The following FAM169A variants were observed in gnomAD, a reference collection of about 807,000 sequenced individuals.
FAM169A encodes the protein family with sequence similarity 169 member A.
Under a neutral mutation model 75.7 loss-of-function variants are expected in FAM169A, and 24 were observed. The ratio of observed to expected loss-of-function variants is 0.32; its 90% CI spans 0.23 to 0.45. FAM169A has a LOEUF of 0.45. Ranked by LOEUF, FAM169A falls within the 20% of genes least tolerant of loss-of-function variation. FAM169A has a pLI of 1.00. For synonymous variants in FAM169A, 271 were observed against 271.0 expected (o/e 1.00, Z 0.00); for missense variants, 673 against 784.0 (o/e 0.86, Z 1.69).
At chr5:74,799,595 G>A in intron 10 of FAM169A, 3 of 1,463,396 alleles carry the variant, frequency 2.1e-6, no homozygotes, top group African/African-American at 1.4e-5. Flanking sequence ...TCTGGTGGCG[G>A]TGGCACTGGT....
At chr5:74,789,331 G>C (rs1198813481) in intron 11 of FAM169A, among the ~76,000 whole-genome samples, 2 of 152,208 alleles carry the variant, frequency 1.3e-5, no homozygotes, top group Non-Finnish European at 2.9e-5. Flanking sequence ...AAAGTTTCTA[G>C]GGGTCCAGTG....
At chr5:74,808,346 A>C (rs560778105) in intron 6 of FAM169A, among the ~76,000 whole-genome samples, 3 of 152,242 alleles carry the variant, frequency 2.0e-5, no homozygotes, top group Non-Finnish European at 4.4e-5. Flanking sequence ...GACCTCAAAG[A>C]CATTATGTTT....
At chr5:74,835,148 CTT>C (rs1267252514) in intron 4 of FAM169A, among the ~76,000 whole-genome samples, 1 of 152,090 alleles carries the variant, frequency 6.6e-6, no homozygotes, top group Non-Finnish European at 1.5e-5. Context: ...ATAGCCCTAT[CTT>C]TGCTGTCAAC....
intron 10 of FAM169A, chr5:74,799,967 T>C: frequency 7.4e-6 from 6 of 809,542 alleles, no homozygotes; most frequent in South Asian, 2.7e-5. Flanking sequence ...TGCGCCAGAA[T>C]AGCATCACTC....
At chr5:74,796,283 T>A in intron 10 of FAM169A, 97 bp from the exon 11 acceptor site, 2 of 1,105,244 alleles carry the variant, frequency 1.8e-6, no homozygotes, top group South Asian at 1.7e-5. Context: ...GAGAATCAAC[T>A]ATGTTGTCAA....
At chr5:74,782,090 A>G (rs1481780526) in intron 12 of FAM169A, 82 bp from the exon 13 acceptor site, 1 of 1,052,790 alleles carries the variant, frequency 9.5e-7, no homozygotes, top group African/African-American at 1.6e-5. Context: ...ATGCAGTGAC[A>G]CTGAACTAGA....
chr5:74,860,610 CAA>C (rs1236696452), intron 1 of FAM169A, among the ~76,000 whole-genome samples: 3 of 151,842 alleles, frequency 2.0e-5, no homozygotes, highest in Admixed American at 6.6e-5. Flanking sequence ...GGATCTAGGC[CAA>C]TAATACAGAT....
At chr5:74,860,555 TTC>T (rs995084093) in intron 1 of FAM169A, among the ~76,000 whole-genome samples, 4 of 152,088 alleles carry the variant, frequency 2.6e-5, no homozygotes, top group African/African-American at 9.7e-5. Flanking sequence ...ACTTAAAAGT[TTC>T]TGTCTTTCCT....
At chr5:74,805,380 G>C in intron 6 of FAM169A, 96 bp from the exon 7 acceptor site, 1 of 1,127,500 alleles carries the variant, frequency 8.9e-7, no homozygotes, top group Admixed American at 2.3e-5. Context: ...ACTTAACGGG[G>C]CTAGCATAAC....
intron 1 of FAM169A, among the ~76,000 whole-genome samples, chr5:74,849,836 T>C (rs559434072): frequency 6.6e-6 from 1 of 152,168 alleles, no homozygotes; most frequent in Non-Finnish European, 1.5e-5. Context: ...TTTTTGAATA[T>C]GACAAAATAA....
At chr5:74,818,770 GCTCTCTCT>G (rs375359690) in intron 5 of FAM169A, among the ~76,000 whole-genome samples, 6,839 of 134,176 alleles carry the variant, frequency 0.051, 298 homozygotes, top group East Asian at 0.18. Flanking sequence ...CGGTTTCACA[GCTCTCTCT>G]CTCTCTCTCT....
At position 74,808,972 on chromosome 5, in the gene FAM169A, A is replaced by G. The variant is rs1026461510; in HGVS notation, c.671-3688T>C. ...CCCTGTATATTTGAAAATATTTCTC[A>G]TATGTTCTGGGTTTAGTTTCCAAAA... On this transcript the variant is annotated intron_variant, in intron 6 of 12. Coordinates refer to ENST00000687041, the MANE Select transcript of FAM169A (RefSeq NM_001376049.1). Among the ~76,000 whole-genome samples, 8 of 152,288 alleles carry G rather than the reference A, an allele frequency of 5.3e-5. No individual in the cohort carries two copies. In the East Asian group the frequency reaches 9.7e-4, roughly 18 times the overall value.
chr5:74,782,919 T>C lies in FAM169A; in HGVS notation c.1464+12A>G, dbSNP rs750221072. On this transcript the variant is annotated intron_variant, in intron 12 of 12. Coordinates refer to ENST00000687041, the MANE Select transcript of FAM169A (RefSeq NM_001376049.1). ...GTAAACTTTATTAAAAAATAGCTCA[T>C]TGCCCCCTTACCTTATCTGGTGCAT... The C allele has an allele frequency of 6.9e-6, 11 of 1,593,896 alleles. No homozygotes were observed. Among genetic ancestry groups the C allele is most frequent in the Middle Eastern group, 3.6e-4 (2 of 5,616 alleles).
intron 11 of FAM169A, among the ~76,000 whole-genome samples, chr5:74,784,548 T>C (rs1201295274): frequency 3.0e-5 from 2 of 66,522 alleles, no homozygotes; most frequent in Admixed American, 3.6e-4. Context: ...CAAAGTGCAA[T>C]AGTATTATAA....
intron 1 of FAM169A, chr5:74,848,630 A>AC (rs1424716961): frequency 6.6e-6 from 1 of 152,160 alleles, no homozygotes; most frequent in African/African-American, 2.4e-5. Context: ...CAAGTTACTT[A>AC]CCCTCTTTAG....
intron 4 of FAM169A, among the ~76,000 whole-genome samples, chr5:74,836,750 C>T (rs1199235408): frequency 6.6e-6 from 1 of 152,114 alleles, no homozygotes; most frequent in Non-Finnish European, 1.5e-5. Context: ...GAGTTCGAAA[C>T]CAGCCTGGCC....
chr5:74,862,198 TC>T (rs1222616299), intron 1 of FAM169A, among the ~76,000 whole-genome samples: 2 of 152,206 alleles, frequency 1.3e-5, no homozygotes, highest in Admixed American at 1.3e-4. Context: ...GGAATGCTCT[TC>T]CTAAAAAGAG....
intron 1 of FAM169A, among the ~76,000 whole-genome samples, chr5:74,854,565 T>G (rs1257716902): frequency 6.6e-6 from 1 of 152,152 alleles, no homozygotes; most frequent in African/African-American, 2.4e-5. Context: ...AATCTAACTA[T>G]GTTTTTGTAC....
chr5:74,796,119 C>T lies in FAM169A; in HGVS notation c.1171G>A (p.Gly391Arg), dbSNP rs1393224831. 3.7e-6 allele frequency: 6 copies of T among 1,614,116 alleles called. No homozygotes were observed. Among genetic ancestry groups the T allele is most frequent in the Non-Finnish European group, 5.1e-6 (6 of 1,180,006 alleles). Residue 391 changes from glycine to arginine, a missense_variant, in exon 11 of 13, where the codon GGG becomes AGG. By Grantham distance (125) the Gly-to-Arg change is moderately radical. This residue lies in a region of FAM169A where 510 missense variants were observed against 550.9 expected (regional missense o/e 0.93). Transcript: ENST00000687041. ...CTGCTTTCATCCTCAAATTCAATCC[C>T]TCTCTGTTCAGGTTCTTCTTCCAGG... ...EFLEEEPEQR[G>R]IEFEDESSDR...
Sources: allele counts gnomAD v4.1 joint callset (sites outside exome capture counted in the v4.1 genomes callset), GRCh38; gene constraint gnomAD v4.1.1; regional missense constraint gnomAD v4.1.1; transcripts MANE v1.5; gene names NCBI Gene and HGNC (gene_info 2026-07-23, HGNC 2026-07-21).